The following FBXL17 variants were observed in gnomAD, a reference collection of about 807,000 sequenced individuals.
FBXL17 encodes the protein F-box/LRR-repeat protein 17.
In FBXL17, 22 loss-of-function variants were observed where a neutral mutation model predicts 66.2. The ratio of observed to expected loss-of-function variants is 0.33; its 90% CI spans 0.24 to 0.47. FBXL17 has a LOEUF of 0.47. Ranked by LOEUF, FBXL17 falls within the 20% of genes least tolerant of loss-of-function variation. The pLI, the probability that FBXL17 is intolerant of heterozygous loss-of-function variation, is 1.00. For missense variants in FBXL17, 878 were observed against 948.2 expected (o/e 0.93, Z 0.97); for synonymous variants, 474 against 400.5 (o/e 1.18, Z -2.19).
At chr5:108,201,853 T>TA (rs55995911) in intron 5 of FBXL17, among the ~76,000 whole-genome samples, 78,109 of 129,348 alleles carry the variant, frequency 0.6, 22,994 homozygotes, top group East Asian at 0.75. Flanking sequence ...AATTTGAAAG[T>TA]AAAAAAAAAA....
chr5:108,280,964 G>A (rs746142587), intron 4 of FBXL17, among the ~76,000 whole-genome samples: 4 of 151,694 alleles, frequency 2.6e-5, no homozygotes, highest in East Asian at 1.9e-4. Context: ...TTCAGTGCAA[G>A]GATATAACAA....
At chr5:107,923,908 A>G (rs1319231002) in intron 7 of FBXL17, among the ~76,000 whole-genome samples, 1 of 152,094 alleles carries the variant, frequency 6.6e-6, no homozygotes, top group Non-Finnish European at 1.5e-5. Context: ...ATACAAACAG[A>G]TGAAGGAACA....
At chr5:108,139,840 AC>A (rs1166554372) in intron 6 of FBXL17, among the ~76,000 whole-genome samples, 1 of 152,044 alleles carries the variant, frequency 6.6e-6, no homozygotes, top group African/African-American at 2.4e-5. Context: ...TTAACTACTT[AC>A]TTACTAGTGA....
intron 1 of FBXL17, among the ~76,000 whole-genome samples, chr5:108,376,883 T>C (rs1422077318): frequency 1.3e-5 from 2 of 151,348 alleles, no homozygotes; most frequent in African/African-American, 4.9e-5. Flanking sequence ...ACCCACGGGT[T>C]CAAGCTGGGA....
intron 6 of FBXL17, among the ~76,000 whole-genome samples, chr5:108,070,361 A>G (rs568279382): frequency 2.6e-5 from 4 of 152,320 alleles, no homozygotes; most frequent in Non-Finnish European, 4.4e-5. Context: ...GTTTTTCACT[A>G]TTACTAAAAA....
chr5:107,917,474 A>G (rs952010639), intron 7 of FBXL17, among the ~76,000 whole-genome samples: 1 of 152,164 alleles, frequency 6.6e-6, no homozygotes, highest in African/African-American at 2.4e-5. Context: ...TGTGCCTTCC[A>G]CAAGTCTGCT....
intron 7 of FBXL17, among the ~76,000 whole-genome samples, chr5:107,972,323 A>C (rs929037181): frequency 6.6e-6 from 1 of 152,244 alleles, no homozygotes; most frequent in African/African-American, 2.4e-5. Context: ...TAGGTAGATA[A>C]GAAAGGAAGA....
chr5:108,217,725 C>A (rs1396522284), intron 5 of FBXL17, among the ~76,000 whole-genome samples: 2 of 152,116 alleles, frequency 1.3e-5, no homozygotes, highest in Non-Finnish European at 2.9e-5. Context: ...CTTGAACTTA[C>A]TCTTGCTGCC....
rs531676124 is a variant in FBXL17, at chr5:108,102,694, G to A, written c.1746-81693C>T. Among the ~76,000 whole-genome samples, 36 of 152,228 alleles carry A rather than the reference G, an allele frequency of 2.4e-4. No individual in the cohort carries two copies. The South Asian group carries it at 7.3e-3, about 31-fold the overall frequency. ...AGTTCACCATTGCACAATGGTGTGT[G>A]TAGATATACAGTACAAAATCAATGC... On this transcript the variant is annotated intron_variant, in intron 6 of 8. Coordinates refer to ENST00000542267, the MANE Select transcript of FBXL17 (RefSeq NM_001163315.3).
At chr5:108,174,650 A>G (rs1369507115) in intron 6 of FBXL17, among the ~76,000 whole-genome samples, 2 of 151,894 alleles carry the variant, frequency 1.3e-5, no homozygotes, top group South Asian at 2.1e-4. Context: ...CACTAAATAT[A>G]CATTTGAAAA....
At chr5:107,981,163 G>C (rs1752810801) in intron 7 of FBXL17, among the ~76,000 whole-genome samples, 1 of 152,118 alleles carries the variant, frequency 6.6e-6, no homozygotes, top group Non-Finnish European at 1.5e-5. Context: ...ACACTAAAGA[G>C]AGAGTGAGGA....
rs549009747 is a variant in FBXL17 at position 107,912,192 on chromosome 5, T to A, written c.1823-31013A>T. Reference sequence around the variant, plus strand: ...ACTTTCTTTATCTGGAGTGCTTACCTTGTGCCAAGCATGTAACTCCACACC... The same window carrying A: ...ACTTTCTTTATCTGGAGTGCTTACCATGTGCCAAGCATGTAACTCCACACC... On this transcript the variant is annotated intron_variant, in intron 7 of 8. Coordinates refer to ENST00000542267, the MANE Select transcript of FBXL17 (RefSeq NM_001163315.3). Among the ~76,000 whole-genome samples the A allele has an allele frequency of 2.6e-5, 4 of 152,198 alleles. No individual in the cohort carries two copies. The South Asian group carries it at 6.2e-4, about 24-fold the overall frequency.
In FBXL17 at chr5:108,224,111, T is replaced by A; in HGVS notation, c.1614+10A>T. The A allele has an allele frequency of 6.2e-6, 9 of 1,461,054 alleles. No individual in the cohort carries two copies. Among genetic ancestry groups the A allele is most frequent in the Non-Finnish European group, 7.6e-6 (8 of 1,045,946 alleles). The allele number at this position is 1,461,054 out of a possible 1,614,324, so 90.5% of individuals were successfully genotyped here. ...CAAAAATACCAAGGAAAAGCAGCCA[T>A]AGTACCTACCTTGGTTAGGTGAATG... On this transcript the variant is annotated intron_variant, in intron 5 of 8. Coordinates refer to ENST00000542267, the MANE Select transcript of FBXL17 (RefSeq NM_001163315.3).
At chr5:107,999,785 A>G (rs941378492) in intron 7 of FBXL17, among the ~76,000 whole-genome samples, 1 of 152,152 alleles carries the variant, frequency 6.6e-6, no homozygotes, top group African/African-American at 2.4e-5. Flanking sequence ...ATAAACACTT[A>G]CTGGTTGATT....
chr5:108,226,798 C>G (rs1755120372), intron 4 of FBXL17, among the ~76,000 whole-genome samples: 1 of 152,154 alleles, frequency 6.6e-6, no homozygotes, highest in Non-Finnish European at 1.5e-5. Context: ...TGACTATCTT[C>G]CAAGCAGGAG....
intron 4 of FBXL17, among the ~76,000 whole-genome samples, chr5:108,303,304 C>T (rs1283551713): frequency 6.6e-6 from 1 of 150,962 alleles, no homozygotes; most frequent in Admixed American, 6.6e-5. Context: ...GAACAAATTT[C>T]TAGTCTCAGT....
chr5:108,048,437 G>A (rs1171541799), intron 6 of FBXL17, among the ~76,000 whole-genome samples: 1 of 152,160 alleles, frequency 6.6e-6, no homozygotes, highest in African/African-American at 2.4e-5. Flanking sequence ...CAAGGTTACA[G>A]AACTGGGCAG....
intron 4 of FBXL17, among the ~76,000 whole-genome samples, chr5:108,277,308 GTTA>G (rs1561502588): frequency 6.6e-6 from 1 of 151,998 alleles, no homozygotes; most frequent in Non-Finnish European, 1.5e-5. Context: ...TGATTTTATT[GTTA>G]TTATTTTTTA....
chr5:108,315,432 A>G (rs1484715196), intron 4 of FBXL17, among the ~76,000 whole-genome samples: 1 of 151,488 alleles, frequency 6.6e-6, no homozygotes, highest in Non-Finnish European at 1.5e-5. Flanking sequence ...CAATCAATAC[A>G]TTATTTATTA....
Sources: allele counts gnomAD v4.1 joint callset (sites outside exome capture counted in the v4.1 genomes callset), GRCh38; gene constraint gnomAD v4.1.1; transcripts MANE v1.5; gene names NCBI Gene and HGNC (gene_info 2026-07-23, HGNC 2026-07-21).